The following MARCO variants were observed in gnomAD, a reference collection of about 807,000 sequenced individuals.
MARCO encodes the protein macrophage receptor MARCO.
MARCO carries 72 observed loss-of-function variants against 70.0 expected under a neutral mutation model. The observed-to-expected ratio is 1.03, with a 90% CI of 0.85 to 1.25. MARCO has a LOEUF of 1.25. Ranked by LOEUF, MARCO falls within the 50% of genes most tolerant of loss-of-function variation. MARCO has a pLI of 0.00. For missense variants in MARCO, 696 were observed against 659.3 expected (o/e 1.06, Z -0.61); for synonymous variants, 273 against 243.1 (o/e 1.12, Z -1.14).
intron 1 of MARCO, among the ~76,000 whole-genome samples, chr2:118,946,815 G>A (rs976294352): frequency 9.2e-5 from 14 of 152,090 alleles, no homozygotes; most frequent in East Asian, 1.9e-4. Flanking sequence ...CTGCAACCTC[G>A]TCAACATTTG....
At chr2:118,973,616 T>A (rs766717285) in intron 4 of MARCO, among the ~76,000 whole-genome samples, 17 of 152,146 alleles carry the variant, frequency 1.1e-4, no homozygotes, top group Non-Finnish European at 1.9e-4. Context: ...GGTTCCTTTG[T>A]TGAAAAGGCT....
At chr2:118,958,985 C>G (rs1483304057) in intron 1 of MARCO, among the ~76,000 whole-genome samples, 1 of 152,140 alleles carries the variant, frequency 6.6e-6, no homozygotes, top group Non-Finnish European at 1.5e-5. Context: ...CAAAAATCAA[C>G]TCAAGATGGA....
chr2:118,972,640 A>G (rs567200516), intron 4 of MARCO, among the ~76,000 whole-genome samples: 3 of 152,312 alleles, frequency 2.0e-5, no homozygotes, highest in East Asian at 1.9e-4. Context: ...CAAGTACTCA[A>G]TGATGTTCTT....
intron 1 of MARCO, among the ~76,000 whole-genome samples, chr2:118,947,714 T>C (rs1044875857): frequency 6.6e-6 from 1 of 152,246 alleles, no homozygotes; most frequent in Non-Finnish European, 1.5e-5. Flanking sequence ...CCTCTACCAA[T>C]ACCACAGTGC....
Position 118,942,199 on chromosome 2 carries a change from C to A in MARCO, c.-102C>A. 1.4e-6 allele frequency: 1 copy of A among 729,268 alleles called. No individual in the cohort carries two copies. Among genetic ancestry groups the A allele is most frequent in the South Asian group, 1.7e-5 (1 of 60,514 alleles). The allele number at this position is 729,268 out of a possible 1,614,324, so 45.2% of individuals were successfully genotyped here. On this transcript the variant is annotated 5_prime_UTR_variant, in exon 1 of 17. Transcript: ENST00000327097. ...AGGGAAGTGCTGCGAGGTTTACAAC[C>A]AGCTGCAGTGGTTCGATGGGAAGGA... is the stretch of plus-strand genomic sequence containing the variant.
intron 1 of MARCO, among the ~76,000 whole-genome samples, chr2:118,946,566 A>C (rs575203117): frequency 1.3e-5 from 2 of 152,282 alleles, no homozygotes; most frequent in African/African-American, 4.8e-5. Context: ...TTTAACATTC[A>C]CCCACTGAAG....
intron 2 of MARCO, among the ~76,000 whole-genome samples, chr2:118,969,809 A>C (rs757869523): frequency 2.0e-5 from 3 of 152,194 alleles, no homozygotes; most frequent in Non-Finnish European, 4.4e-5. Flanking sequence ...GCTGTCATGC[A>C]TCTACACCCA....
Position 118,991,875 on chromosome 2 carries a change from G to A in MARCO, c.1207G>A (p.Gly403Arg), listed in dbSNP as rs1573412135. ...CCAGAAGGGAGACCAGGGAGTGAAA[G>A]GTAAGGCCTCTGCATCTGATTCCTT... The part of the protein sequence containing the change: ...AGQKGDQGVK[G>R]SSGEQGVKGE... Residue 403 changes from glycine to arginine, a missense_variant and splice_region_variant, in exon 14 of 17, where the codon GGA (glycine) becomes AGA (arginine). Coordinates refer to ENST00000327097, the MANE Select transcript of MARCO (RefSeq NM_006770.4). 1.4e-5 allele frequency: 23 copies of A among 1,589,124 alleles called. No homozygotes were observed. Among genetic ancestry groups the A allele is most frequent in the Non-Finnish European group, 2.0e-5 (23 of 1,167,728 alleles).
intron 1 of MARCO, among the ~76,000 whole-genome samples, chr2:118,953,925 G>C (rs1347658085): frequency 6.6e-6 from 1 of 152,126 alleles, no homozygotes; most frequent in East Asian, 1.9e-4. Context: ...GAGCTTGCTG[G>C]GTCCCCAAGC....
In MARCO at chr2:118,947,242, G is replaced by T. The variant is rs1394832945; in HGVS notation, c.97+4845G>T. Among the ~76,000 whole-genome samples the T allele has an allele frequency of 5.3e-5, 8 of 152,124 alleles. No individual in the cohort carries two copies. The East Asian group carries it at 1.2e-3, about 22-fold the overall frequency. ...CAAGTCTAAGAGTTCTTTAGCCCTT[G>T]TTGGTGAAGATTTTCTTCTCTATCT... On this transcript the variant is annotated intron_variant, in intron 1 of 16. Transcript: ENST00000327097.
At chr2:118,962,268 G>C (rs146842847) in intron 1 of MARCO, among the ~76,000 whole-genome samples, 1 of 152,266 alleles carries the variant, frequency 6.6e-6, no homozygotes, top group African/African-American at 2.4e-5. Flanking sequence ...GTCAGTGGTA[G>C]TTTAATGGGA....
chr2:118,987,831 G>C (rs1316409281), intron 12 of MARCO, among the ~76,000 whole-genome samples: 1 of 152,220 alleles, frequency 6.6e-6, no homozygotes, highest in Non-Finnish European at 1.5e-5. Flanking sequence ...GTATTCTCTA[G>C]TTTGACTACT....
At chr2:118,988,574 G>C (rs1680559154) in intron 12 of MARCO, among the ~76,000 whole-genome samples, 2 of 152,020 alleles carry the variant, frequency 1.3e-5, no homozygotes, top group African/African-American at 4.8e-5. Flanking sequence ...TGTCCCTAGA[G>C]GTAGGGTTCA....
At chr2:118,953,958 C>T (rs1679777784) in intron 1 of MARCO, among the ~76,000 whole-genome samples, 1 of 152,180 alleles carries the variant, frequency 6.6e-6, no homozygotes, top group African/African-American at 2.4e-5. Context: ...GCTGGCACCA[C>T]AGGAATCCAT....
At chr2:118,981,089 C>G (rs1157697872) in intron 8 of MARCO, among the ~76,000 whole-genome samples, 2 of 152,138 alleles carry the variant, frequency 1.3e-5, no homozygotes, top group South Asian at 2.1e-4. Flanking sequence ...CAAATAATTG[C>G]CAAAATGCAG....
At chr2:118,960,270 G>C (rs190347740) in intron 1 of MARCO, among the ~76,000 whole-genome samples, 2 of 151,744 alleles carry the variant, frequency 1.3e-5, no homozygotes, top group Admixed American at 1.3e-4. Context: ...TTGCCTTACT[G>C]CTCTGGCTAG....
intron 1 of MARCO, among the ~76,000 whole-genome samples, chr2:118,945,404 C>CTTTTTTTTT (rs55684033): frequency 2.7e-4 from 33 of 123,040 alleles, no homozygotes; most frequent in Non-Finnish European, 3.0e-4. Flanking sequence ...CCTCTTGTTT[C>CTTTTTTTTT]TTTTTTTTTT....
intron 8 of MARCO, among the ~76,000 whole-genome samples, chr2:118,979,217 C>A (rs1355027994): frequency 6.6e-6 from 1 of 152,108 alleles, no homozygotes; most frequent in East Asian, 1.9e-4. Flanking sequence ...AATGGTCTTG[C>A]CCAGGGTGGT....
intron 4 of MARCO, among the ~76,000 whole-genome samples, chr2:118,972,927 G>C (rs1339997133): frequency 6.6e-6 from 1 of 152,210 alleles, no homozygotes; most frequent in Non-Finnish European, 1.5e-5. Flanking sequence ...CCAGAGCACA[G>C]AACATGGCTT....
Sources: allele counts gnomAD v4.1 joint callset (sites outside exome capture counted in the v4.1 genomes callset), GRCh38; gene constraint gnomAD v4.1.1; transcripts MANE v1.5; gene names NCBI Gene and HGNC (gene_info 2026-07-23, HGNC 2026-07-21).